The following ZNF804B variants were observed in gnomAD, a reference collection of about 807,000 sequenced individuals.
ZNF804B encodes the protein zinc finger 804B.
In ZNF804B, 80 loss-of-function variants were observed where a neutral mutation model predicts 101.4. The observed-to-expected ratio is 0.79, with a 90% confidence interval of 0.66 to 0.95. The LOEUF is 0.95. ZNF804B is among the 40% of genes least tolerant of loss of function. The pLI, the probability that ZNF804B is intolerant of heterozygous loss-of-function variation, is 0.00. For missense variants in ZNF804B, 1,673 were observed against 1,561.9 expected (o/e 1.07, Z -1.20); for synonymous variants, 622 against 558.8 (o/e 1.11, Z -1.59).
chr7:89,206,518 G>A (rs769003455), intron 1 of ZNF804B, among the ~76,000 whole-genome samples: 14 of 152,108 alleles, frequency 9.2e-5, no homozygotes, highest in African/African-American at 1.7e-4. Flanking sequence ...TTGGGAGGCC[G>A]AGGAGAGTGG....
At chr7:88,922,608 T>TAC (rs1792734838) in intron 1 of ZNF804B, among the ~76,000 whole-genome samples, 1 of 136,526 alleles carries the variant, frequency 7.3e-6, no homozygotes, top group African/African-American at 2.9e-5. Flanking sequence ...TAATTACAGA[T>TAC]ACATATATAT....
At chr7:89,256,874 A>G (rs965590184) in intron 2 of ZNF804B, among the ~76,000 whole-genome samples, 8 of 152,200 alleles carry the variant, frequency 5.3e-5, no homozygotes, top group Non-Finnish European at 7.3e-5. Flanking sequence ...GGTGACATTC[A>G]CTTTCATAAC....
chr7:89,283,421 G>A (rs914190185), intron 2 of ZNF804B, among the ~76,000 whole-genome samples: 2 of 152,130 alleles, frequency 1.3e-5, no homozygotes, highest in African/African-American at 4.8e-5. Context: ...GTGTATTAGA[G>A]CCCATTAACA....
chr7:88,897,128 A>T (rs1340351661), intron 1 of ZNF804B, among the ~76,000 whole-genome samples: 2 of 152,174 alleles, frequency 1.3e-5, no homozygotes, highest in African/African-American at 4.8e-5. Context: ...CCATGCATTA[A>T]CCCCCAGAAC....
chr7:88,994,940 G>C (rs1362516016), intron 1 of ZNF804B, among the ~76,000 whole-genome samples: 1 of 152,044 alleles, frequency 6.6e-6, no homozygotes, highest in Admixed American at 6.6e-5. Context: ...TCCGGAATTG[G>C]AGTTGCATCA....
rs73395220 is a variant in ZNF804B at position 89,151,196 on chromosome 7, C to T, written c.109-66959C>T. 4.1e-3 allele frequency among the ~76,000 whole-genome samples: 623 copies of T among 152,112 alleles called. 6 individuals are homozygous for T. Among genetic ancestry groups the T allele is most frequent in the African/African-American group, 0.014 (594 of 41,502 alleles). ...ATCACTAAATCTGAAATTTGGAATA[C>T]TACAATTGACTCCTCTTCTAGCAAT... On this transcript the variant is annotated intron_variant, in intron 1 of 3. Transcript: ENST00000333190.
At chr7:89,020,593 A>G (rs370669055) in intron 1 of ZNF804B, among the ~76,000 whole-genome samples, 30 of 152,204 alleles carry the variant, frequency 2.0e-4, no homozygotes, top group African/African-American at 7.2e-4. Context: ...CTGGATGTGG[A>G]TATACACCTT....
chr7:89,265,605 T>G (rs1170494416), intron 2 of ZNF804B, among the ~76,000 whole-genome samples: 1 of 152,240 alleles, frequency 6.6e-6, no homozygotes, highest in Non-Finnish European at 1.5e-5. Context: ...TTGTGGAACT[T>G]TACAAATTCC....
intron 1 of ZNF804B, among the ~76,000 whole-genome samples, chr7:88,896,718 G>A (rs1792290539): frequency 6.6e-6 from 1 of 152,110 alleles, no homozygotes; most frequent in South Asian, 2.1e-4. Context: ...TAAATAATTG[G>A]AATGCTAAAG....
chr7:88,889,908 G>T (rs1792191239), intron 1 of ZNF804B, among the ~76,000 whole-genome samples: 1 of 152,000 alleles, frequency 6.6e-6, no homozygotes, highest in African/African-American at 2.4e-5. Flanking sequence ...ATAATTTGAG[G>T]TCTGACATTT....
At chr7:88,982,814 T>C (rs1166109889) in intron 1 of ZNF804B, among the ~76,000 whole-genome samples, 2 of 151,972 alleles carry the variant, frequency 1.3e-5, no homozygotes, top group African/African-American at 4.8e-5. Flanking sequence ...CCACCTTGGC[T>C]CCTCTGCCAG....
intron 1 of ZNF804B, among the ~76,000 whole-genome samples, chr7:88,993,290 A>G (rs1793874305): frequency 6.6e-6 from 1 of 152,018 alleles, no homozygotes; most frequent in South Asian, 2.1e-4. Context: ...CATCACTTGG[A>G]CCACCTTCTT....
intron 1 of ZNF804B, among the ~76,000 whole-genome samples, chr7:89,029,761 A>G (rs1388904482): frequency 6.6e-6 from 1 of 152,140 alleles, no homozygotes; most frequent in Non-Finnish European, 1.5e-5. Flanking sequence ...GCTTCCTAAA[A>G]TGTAACTTTC....
chr7:88,983,306 G>C (rs574091004), intron 1 of ZNF804B, among the ~76,000 whole-genome samples: 1 of 152,160 alleles, frequency 6.6e-6, no homozygotes, highest in South Asian at 2.1e-4. Context: ...TAGACTAGTG[G>C]TTCCTAAATT....
intron 1 of ZNF804B, among the ~76,000 whole-genome samples, chr7:89,126,205 T>G (rs1017742121): frequency 5.9e-5 from 9 of 152,008 alleles, no homozygotes; most frequent in Admixed American, 3.9e-4. Context: ...AACATATTAG[T>G]GTACAATATG....
intron 1 of ZNF804B, among the ~76,000 whole-genome samples, chr7:89,105,039 A>G (rs1237055008): frequency 6.6e-6 from 1 of 152,120 alleles, no homozygotes; most frequent in Non-Finnish European, 1.5e-5. Flanking sequence ...AAAGAATGGA[A>G]CAATTCGCTT....
chr7:88,763,684 C>T (rs1789933720), intron 1 of ZNF804B, among the ~76,000 whole-genome samples: 1 of 151,956 alleles, frequency 6.6e-6, no homozygotes, highest in Non-Finnish European at 1.5e-5. Context: ...TCTATCTAAA[C>T]TCTAAAATAA....
At chr7:88,835,074 T>A (rs1331092654) in intron 1 of ZNF804B, among the ~76,000 whole-genome samples, 1 of 151,946 alleles carries the variant, frequency 6.6e-6, no homozygotes, top group Non-Finnish European at 1.5e-5. Flanking sequence ...ATTGGAGTTT[T>A]ATTCTATTTT....
intron 2 of ZNF804B, among the ~76,000 whole-genome samples, chr7:89,295,960 G>A (rs1218230851): frequency 6.6e-6 from 1 of 152,074 alleles, no homozygotes; most frequent in Admixed American, 6.5e-5. Flanking sequence ...AATACGCAAA[G>A]GCATACAGAG....
Sources: gnomAD v4.1 joint callset for allele counts (sites outside exome capture counted in the v4.1 genomes callset) on GRCh38, gnomAD v4.1.1 for gene constraint, MANE v1.5 for transcripts, NCBI Gene and HGNC (gene_info 2026-07-23, HGNC 2026-07-21) for gene names.